The following MARK1 variants were observed in gnomAD, a reference collection of about 807,000 sequenced individuals.
MARK1 encodes serine/threonine-protein kinase MARK1.
In MARK1, 40 loss-of-function variants were observed where a neutral mutation model predicts 96.3. The ratio of observed to expected loss-of-function variants is 0.42; its 90% CI spans 0.32 to 0.54. The LOEUF is 0.54. Among genes scored for constraint, MARK1 ranks in the 20% least tolerant of loss-of-function variants. The pLI, the probability that MARK1 is intolerant of heterozygous loss-of-function variation, is 0.16. For missense variants in MARK1, 719 were observed against 984.6 expected, an observed-to-expected ratio of 0.73 and a Z score of 3.61; for synonymous variants, 317 against 341.2, an observed-to-expected ratio of 0.93 and a Z score of 0.78.
chr1:220,653,936 C>T (rs1237374785), intron 16 of MARK1, among the ~76,000 whole-genome samples: 4 of 152,324 alleles, frequency 2.6e-5, no homozygotes, highest in South Asian at 2.1e-4. Context: ...ACTATGCATA[C>T]GTGTACAGTG....
At chr1:220,573,120 G>GT (rs536486712) in intron 1 of MARK1, among the ~76,000 whole-genome samples, 2 of 151,772 alleles carry the variant, frequency 1.3e-5, no homozygotes, top group African/African-American at 2.4e-5. Context: ...TCTACACTGG[G>GT]TTTTTTTATT....
intron 1 of MARK1, among the ~76,000 whole-genome samples, chr1:220,556,247 G>A (rs1164027421): frequency 6.6e-6 from 1 of 152,118 alleles, no homozygotes; most frequent in African/African-American, 2.4e-5. Flanking sequence ...CCTTAGTTGA[G>A]GGAGTTGACA....
intron 5 of MARK1, among the ~76,000 whole-genome samples, chr1:220,600,318 A>G (rs1264044887): frequency 6.6e-6 from 1 of 152,212 alleles, no homozygotes. Context: ...AAGATAATTC[A>G]TAAAGTGAAT....
At chr1:220,613,058 C>G (rs1238327019) in intron 6 of MARK1, among the ~76,000 whole-genome samples, 1 of 152,178 alleles carries the variant, frequency 6.6e-6, no homozygotes, top group African/African-American at 2.4e-5. Flanking sequence ...CCGTCAGTAC[C>G]CAGCTGACAG....
intron 5 of MARK1, among the ~76,000 whole-genome samples, chr1:220,601,837 G>C (rs1272204714): frequency 2.0e-5 from 3 of 152,152 alleles, no homozygotes; most frequent in African/African-American, 7.2e-5. Flanking sequence ...TCCTTCAGTA[G>C]CATATTTGGG....
chr1:220,615,728 G>A (rs181286809), intron 6 of MARK1, among the ~76,000 whole-genome samples: 3 of 152,058 alleles, frequency 2.0e-5, no homozygotes, highest in South Asian at 2.1e-4. Context: ...TTGTATTTTC[G>A]CAAGAGAATA....
At position 220,615,829 on chromosome 1, in the gene MARK1, A is replaced by T. The variant is rs897213720; in HGVS notation, c.496-110A>T. 22 of 621,852 alleles carry T rather than the reference A, an allele frequency of 3.5e-5. No homozygotes were observed. The Admixed American group carries it at 4.3e-4, about 12-fold the overall frequency. The allele number at this position is 621,852 out of a possible 1,614,324, so 38.5% of individuals were successfully genotyped here. ...GAACTAAAAGCATTGCATATTTATT[A>T]AATATTACCTTGAAATCCGAATTAG... On this transcript the variant is annotated intron_variant, in intron 6 of 17. Transcript: ENST00000366917.
intron 7 of MARK1, among the ~76,000 whole-genome samples, chr1:220,616,501 A>G (rs570041151): frequency 2.2e-4 from 33 of 152,366 alleles, no homozygotes; most frequent in African/African-American, 7.0e-4. Flanking sequence ...TTTTGTTGAA[A>G]GTGGAAACAC....
At chr1:220,588,701 T>C (rs1160910264) in intron 3 of MARK1, among the ~76,000 whole-genome samples, 1 of 152,144 alleles carries the variant, frequency 6.6e-6, no homozygotes, top group Admixed American at 6.6e-5. Flanking sequence ...GAAAGTTTAA[T>C]CTGTAGGATT....
At chr1:220,544,706 T>C (rs1405527797) in intron 1 of MARK1, among the ~76,000 whole-genome samples, 1 of 152,220 alleles carries the variant, frequency 6.6e-6, no homozygotes, top group Non-Finnish European at 1.5e-5. Flanking sequence ...TTTTGACCAC[T>C]GTATCAGGTT....
chr1:220,630,989 C>T (rs1257350073), intron 9 of MARK1, 46 bp from the exon 10 acceptor site: 1 of 1,296,834 alleles, frequency 7.7e-7, no homozygotes, highest in Admixed American at 1.8e-5. Flanking sequence ...TAATAAGTGG[C>T]TGAATGTTCT....
At chr1:220,541,822 A>AT (rs1661168524) in intron 1 of MARK1, among the ~76,000 whole-genome samples, 1 of 152,198 alleles carries the variant, frequency 6.6e-6, no homozygotes, top group Admixed American at 6.6e-5. Context: ...TGGATGTTAT[A>AT]TTTTTAATCC....
chr1:220,652,290 G>A (rs1045347261), intron 15 of MARK1, 140 bp downstream of exon 15: 5 of 582,156 alleles, frequency 8.6e-6, no homozygotes, highest in African/African-American at 7.7e-5. Context: ...AAATTGAATT[G>A]TAACATAAAC....
intron 1 of MARK1, among the ~76,000 whole-genome samples, chr1:220,551,504 A>G (rs1661849690): frequency 6.6e-6 from 1 of 152,180 alleles, no homozygotes; most frequent in East Asian, 1.9e-4. Flanking sequence ...TCTCTTAACC[A>G]TACTTAAGAT....
chr1:220,564,948 T>A (rs1010159944), intron 1 of MARK1, among the ~76,000 whole-genome samples: 1 of 152,144 alleles, frequency 6.6e-6, no homozygotes, highest in African/African-American at 2.4e-5. Context: ...CTCATTTTCT[T>A]CTTTAGATTA....
chr1:220,632,165 C>A, intron 10 of MARK1, 36 bp from the exon 11 acceptor site: 1 of 1,061,284 alleles, frequency 9.4e-7, no homozygotes, highest in Admixed American at 2.7e-5. Flanking sequence ...GAAAATAAAA[C>A]CATTTTCAGA....
rs1272538869 is a variant in MARK1 at position 220,549,297 on chromosome 1, C to T, written c.51+20424C>T. On this transcript the variant is annotated intron_variant, in intron 1 of 17. Coordinates refer to ENST00000366917, the MANE Select transcript of MARK1 (RefSeq NM_018650.5). ...ATGGAACAAAAGTGTCTACCTTATT[C>T]AGTTGTTGTTTTGTTTAACTAACTG... Among the ~76,000 whole-genome samples, 6 of 152,276 alleles carry T rather than the reference C, an allele frequency of 3.9e-5. No homozygotes were observed. The East Asian group carries it at 7.7e-4, about 20-fold the overall frequency.
At chr1:220,656,434 G>A (rs958676469) in intron 16 of MARK1, among the ~76,000 whole-genome samples, 2 of 152,200 alleles carry the variant, frequency 1.3e-5, no homozygotes, top group South Asian at 2.1e-4. Flanking sequence ...GAATAATAAA[G>A]CATAATATAA....
At chr1:220,599,577 AC>A (rs779506176) in intron 4 of MARK1, among the ~76,000 whole-genome samples, 12 of 152,218 alleles carry the variant, frequency 7.9e-5, no homozygotes, top group South Asian at 2.1e-4. Context: ...TAGAAACTTA[AC>A]TTTTTCAACT....
Sources: gnomAD v4.1 joint callset for allele counts (sites outside exome capture counted in the v4.1 genomes callset) on GRCh38, gnomAD v4.1.1 for gene constraint, MANE v1.5 for transcripts, NCBI Gene and HGNC (gene_info 2026-07-23, HGNC 2026-07-21) for gene names.